EFTUD2: variants seen among roughly 807,000 people sequenced by gnomAD.
EFTUD2 encodes the protein elongation factor Tu GTP binding domain containing 2, also known as 116 kDa U5 small nuclear ribonucleoprotein component.
Under a neutral mutation model 114.3 loss-of-function variants are expected in EFTUD2, and 9 were observed. The observed-to-expected ratio is 0.08, with a 90% CI of 0.05 to 0.14. The LOEUF (loss-of-function observed/expected upper bound fraction) is 0.14. Ranked by LOEUF, EFTUD2 falls within the 10% of genes least tolerant of loss-of-function variation. The probability of loss-of-function intolerance (pLI) is 1.00; values close to 1 mark genes in which losing one functional copy is unlikely to be tolerated. For synonymous variants in EFTUD2, 449 were observed against 462.3 expected (o/e 0.97, Z 0.37); for missense variants, 765 against 1,241.2 (o/e 0.62, Z 5.76).
Position 44,872,432 on chromosome 17 carries a change from C to T in EFTUD2, c.994+14G>A, listed in dbSNP as rs1310312548. On this transcript the variant is annotated intron_variant, in intron 11 of 27. Transcript: ENST00000426333. ...AGGGGAAGCTGGTGAGACAGACTGC[C>T]AGCCAGCGCTTACCAAAGGTGTCGG... The T allele has an allele frequency of 1.9e-6, 3 of 1,610,882 alleles. No individual in the cohort carries two copies. Among genetic ancestry groups the T allele is most frequent in the Non-Finnish European group, 2.5e-6 (3 of 1,178,090 alleles).
chr17:44,877,987 T>C (rs961457715), intron 9 of EFTUD2, among the ~76,000 whole-genome samples: 4 of 151,834 alleles, frequency 2.6e-5, no homozygotes, highest in African/African-American at 9.7e-5. Context: ...AATACAAAAA[T>C]TATCCAGGTG....
chr17:44,861,601 C>T (rs930316169), intron 16 of EFTUD2, among the ~76,000 whole-genome samples: 3 of 151,438 alleles, frequency 2.0e-5, no homozygotes, highest in Admixed American at 6.6e-5. Flanking sequence ...GGCATGGTGG[C>T]GGGCGCCTGT....
intron 20 of EFTUD2, 140 bp downstream of exon 20, chr17:44,856,935 C>T: frequency 1.5e-6 from 1 of 647,998 alleles, no homozygotes; most frequent in Admixed American, 2.7e-5. Context: ...GAGTGAAACT[C>T]AAGTATTGTA....
chr17:44,872,216 CCTT>C (rs750367997), intron 11 of EFTUD2, among the ~76,000 whole-genome samples: 16 of 152,196 alleles, frequency 1.1e-4, no homozygotes, highest in Non-Finnish European at 7.3e-5. Context: ...AAAATGACCT[CCTT>C]CTTCTCCCAT....
At chr17:44,890,584 C>T (rs927226858) in intron 2 of EFTUD2, among the ~76,000 whole-genome samples, 8 of 151,776 alleles carry the variant, frequency 5.3e-5, no homozygotes, top group African/African-American at 1.2e-4. Flanking sequence ...CCCAGCTACT[C>T]GGGAGGCTGA....
At chr17:44,881,895 C>G (rs1323133640) in intron 6 of EFTUD2, 173 bp from the exon 7 acceptor site, 3 of 609,850 alleles carry the variant, frequency 4.9e-6, no homozygotes, top group Non-Finnish European at 8.8e-6. Flanking sequence ...AGTGCCCTCC[C>G]AGCTGGAAAT....
intron 11 of EFTUD2, among the ~76,000 whole-genome samples, chr17:44,872,037 C>G (rs1024792638): frequency 5.3e-5 from 8 of 152,152 alleles, no homozygotes; most frequent in Admixed American, 1.3e-4. Flanking sequence ...GCAAGGTCAC[C>G]ATGAGTTCTC....
intron 1 of EFTUD2, among the ~76,000 whole-genome samples, chr17:44,896,610 G>A (rs1049997480): frequency 1.3e-5 from 2 of 152,056 alleles, no homozygotes; most frequent in Non-Finnish European, 2.9e-5. Flanking sequence ...TCGCACCACT[G>A]CACTTCAGCC....
At chr17:44,893,757 TA>T (rs1325752051) in intron 2 of EFTUD2, among the ~76,000 whole-genome samples, 3 of 58,370 alleles carry the variant, frequency 5.1e-5, no homozygotes, top group African/African-American at 2.6e-4. Flanking sequence ...CATTGTTTTT[TA>T]AAAAAAGGTG....
intron 9 of EFTUD2, 129 bp downstream of exon 9, chr17:44,879,427 A>C (rs1323297733): frequency 1.1e-6 from 1 of 902,920 alleles, no homozygotes; most frequent in African/African-American, 1.7e-5. Flanking sequence ...TTTTAGAGCA[A>C]ATTTGAGCCT....
At chr17:44,861,364 G>T (rs1242120498) in intron 16 of EFTUD2, among the ~76,000 whole-genome samples, 6 of 148,626 alleles carry the variant, frequency 4.0e-5, no homozygotes, top group African/African-American at 1.5e-4. Context: ...AGAATCGCTT[G>T]AACCCGGGAG....
At chr17:44,886,215 C>T (rs927591282) in intron 3 of EFTUD2, among the ~76,000 whole-genome samples, 1 of 152,010 alleles carries the variant, frequency 6.6e-6, no homozygotes, top group Admixed American at 6.5e-5. Flanking sequence ...GCATGGGCGA[C>T]AGAGCAAGAC....
chr17:44,879,715 G>C (rs2051035021), intron 8 of EFTUD2, 77 bp from the exon 9 acceptor site: 2 of 1,416,472 alleles, frequency 1.4e-6, no homozygotes, highest in African/African-American at 2.8e-5. Flanking sequence ...AACTGAGGGG[G>C]CACTTCAAAG....
At chr17:44,874,035 C>CT (rs35563732) in intron 10 of EFTUD2, among the ~76,000 whole-genome samples, 26,630 of 115,422 alleles carry the variant, frequency 0.23, 3,516 homozygotes, top group Non-Finnish European at 0.27. Flanking sequence ...TGCCCGGCCT[C>CT]TTTTTTTTTT....
At chr17:44,872,749 C>A (rs17545736) in intron 10 of EFTUD2, 179 bp from the exon 11 acceptor site, 2 of 567,434 alleles carry the variant, frequency 3.5e-6, no homozygotes, top group Non-Finnish European at 2.7e-6. Flanking sequence ...AGCTGTTCCC[C>A]TAATTCCCAA....
chr17:44,876,760 G>A lies in EFTUD2; in HGVS notation c.703-660C>T, dbSNP rs188262642. Among the ~76,000 whole-genome samples, 357 of 144,498 alleles carry A rather than the reference G, an allele frequency of 2.5e-3. 4 individuals carry two copies. The highest frequency in any genetic ancestry group is 8.4e-3 in the African/African-American group (325 of 38,598). 94.8% of individuals were successfully genotyped at this position (144,498 alleles called of 152,430 possible). ...CCCAGCTACTTGGGAGGCTGAGGCAGGAGAATGGCGTGAACCCGGGAGGCA... is the reference window on the plus strand; with the variant it reads ...CCCAGCTACTTGGGAGGCTGAGGCAAGAGAATGGCGTGAACCCGGGAGGCA... On this transcript the variant is annotated intron_variant, in intron 9 of 27. Coordinates refer to ENST00000426333, the MANE Select transcript of EFTUD2 (RefSeq NM_004247.4).
Position 44,876,855 on chromosome 17 carries a change from CAAA to C in EFTUD2, c.703-758_703-756del, listed in dbSNP as rs58892812. On this transcript the variant is annotated intron_variant, in intron 9 of 27. Coordinates refer to ENST00000426333, the MANE Select transcript of EFTUD2 (RefSeq NM_004247.4). ...TGGGCGACAGAGTGAGACTCCGTCT[CAAA>C]AAAAAAAAAAAAAAAAAAAAAAACT... Among the ~76,000 whole-genome samples the C allele has an allele frequency of 7.6e-3, 368 of 48,192 alleles. 4 individuals are homozygous for C. The highest frequency in any genetic ancestry group is 0.034 in the African/African-American group (344 of 10,228). The allele number at this position is 48,192 out of a possible 152,430, so 31.6% of individuals were successfully genotyped here. A position where few individuals can be genotyped will look rare whatever the true frequency, so the allele number is the denominator to read the frequency against.
intron 17 of EFTUD2, 69 bp from the exon 18 acceptor site, chr17:44,860,114 G>A: frequency 6.2e-7 from 1 of 1,606,272 alleles, no homozygotes; most frequent in Non-Finnish European, 8.5e-7. Context: ...AGAGGTATGA[G>A]AAGAGAAGAG....
At chr17:44,879,474 T>C (rs1307373570) in intron 9 of EFTUD2, 82 bp downstream of exon 9, 8 of 1,353,434 alleles carry the variant, frequency 5.9e-6, no homozygotes, top group Non-Finnish European at 8.5e-6. Flanking sequence ...GGCTCCCAGC[T>C]CACTCAGTGC....
Sources: allele counts gnomAD v4.1 joint callset (sites outside exome capture counted in the v4.1 genomes callset), GRCh38; gene constraint gnomAD v4.1.1; transcripts MANE v1.5; gene names NCBI Gene and HGNC (gene_info 2026-07-23, HGNC 2026-07-21).